WNT11: variants seen among roughly 807,000 people sequenced by gnomAD.
WNT11 encodes the protein protein Wnt-11.
Under a neutral mutation model 35.6 loss-of-function variants are expected in WNT11, and 20 were observed. The ratio of observed to expected loss-of-function variants is 0.56; its 90% CI spans 0.40 to 0.82. WNT11 has a LOEUF of 0.82. Among genes scored for constraint, WNT11 ranks in the 40% least tolerant of loss-of-function variants. The pLI is 0.00. For missense variants in WNT11, 459 were observed against 504.4 expected, an observed-to-expected ratio of 0.91 and a Z score of 0.86; for synonymous variants, 200 against 211.9, an observed-to-expected ratio of 0.94 and a Z score of 0.49.
chr11:76,202,109 C>A (rs1267977711), intron 1 of WNT11, among the ~76,000 whole-genome samples: 1 of 152,194 alleles, frequency 6.6e-6, no homozygotes, highest in Admixed American at 6.5e-5. Context: ...TATTGCCAGA[C>A]CATTTCCAGG....
At chr11:76,195,783 C>T (rs1218171572) in intron 2 of WNT11, among the ~76,000 whole-genome samples, 1 of 152,238 alleles carries the variant, frequency 6.6e-6, no homozygotes, top group Admixed American at 6.5e-5. Context: ...CGGGTGATAA[C>T]AGCTACCTCA....
chr11:76,188,392 A>G (rs1384216334), intron 4 of WNT11, among the ~76,000 whole-genome samples: 1 of 152,268 alleles, frequency 6.6e-6, no homozygotes, highest in East Asian at 1.9e-4. Context: ...TTCTTCCCAA[A>G]TGTGGGATGC....
chr11:76,200,373 AC>A (rs1294102811), intron 1 of WNT11, among the ~76,000 whole-genome samples: 2 of 152,144 alleles, frequency 1.3e-5, no homozygotes, highest in African/African-American at 4.8e-5. Flanking sequence ...ACCCTGCCTT[AC>A]TTCCTGGGTG....
chr11:76,210,569 G>C (rs1445851714), upstream of WNT11: 3 of 985,120 alleles, frequency 3.0e-6, no homozygotes, highest in Non-Finnish European at 3.6e-6. Context: ...TGCGCACTCC[G>C]GCTGGGCGAG....
intron 3 of WNT11, 90 bp from the exon 4 acceptor site, chr11:76,191,946 G>A (rs1953192067): frequency 6.9e-7 from 1 of 1,446,102 alleles, no homozygotes; most frequent in African/African-American, 1.4e-5. Context: ...ATGGCTGGGT[G>A]CTCTCAGGGA....
Position 76,186,726 on chromosome 11 carries a change from C to T in WNT11, c.*339G>A, listed in dbSNP as rs371826668. The T allele has an allele frequency of 1.9e-5, 8 of 411,800 alleles. No individual in the cohort carries two copies. The highest frequency in any genetic ancestry group is 9.0e-5 in the Admixed American group (3 of 33,150). The allele number at this position is 411,800 out of a possible 1,614,324, so 25.5% of individuals were successfully genotyped here. On this transcript the variant is annotated 3_prime_UTR_variant, in exon 5 of 5. Transcript: ENST00000322563. ...TGAAGAAGGCGGGCAGACCCCTTCC[C>T]GGAGGCTGGTCTCTGTGGCCCTGAA...
upstream of WNT11, chr11:76,206,554 C>A: frequency 8.2e-7 from 1 of 1,214,270 alleles, no homozygotes; most frequent in Non-Finnish European, 1.0e-6. Context: ...GCGGGGGAGG[C>A]GTTTTATTCA....
chr11:76,201,772 A>AC (rs1478522179), intron 1 of WNT11, among the ~76,000 whole-genome samples: 2 of 152,094 alleles, frequency 1.3e-5, no homozygotes, highest in Non-Finnish European at 2.9e-5. Context: ...CCCCATCCAT[A>AC]CTGCTCAATG....
intron 1 of WNT11, among the ~76,000 whole-genome samples, chr11:76,202,915 C>T (rs1381520473): frequency 1.3e-5 from 2 of 152,220 alleles, no homozygotes; most frequent in Non-Finnish European, 2.9e-5. Context: ...CACTGGGTCC[C>T]CTTCACACCT....
chr11:76,198,773 C>T lies in WNT11; in HGVS notation c.84-2055G>A, dbSNP rs138961653. On this transcript the variant is annotated intron_variant, in intron 1 of 4. Coordinates refer to ENST00000322563, the MANE Select transcript of WNT11 (RefSeq NM_004626.3). ...CCCCAGGAAGAGCACAAGCCTTGGACACCAGCTGTGTGACCTAGGTAAGTT... is the reference window on the plus strand; with the variant it reads ...CCCCAGGAAGAGCACAAGCCTTGGATACCAGCTGTGTGACCTAGGTAAGTT... 2.2e-3 allele frequency among the ~76,000 whole-genome samples: 330 copies of T among 152,314 alleles called. 1 individual carries two copies. The highest frequency in any genetic ancestry group is 7.7e-3 in the African/African-American group (318 of 41,554).
At chr11:76,198,855 G>A (rs1211235468) in intron 1 of WNT11, among the ~76,000 whole-genome samples, 1 of 152,214 alleles carries the variant, frequency 6.6e-6, no homozygotes, top group Non-Finnish European at 1.5e-5. Flanking sequence ...GATAAGGCCA[G>A]GCGCGGTGGC....
rs778909369 is a variant in WNT11, at chr11:76,186,887, T to G, written c.*178A>C. 4 of 896,400 alleles carry G rather than the reference T, an allele frequency of 4.5e-6. No individual in the cohort carries two copies. Among genetic ancestry groups the G allele is most frequent in the Non-Finnish European group, 7.1e-6 (4 of 563,954 alleles). 55.5% of individuals were successfully genotyped at this position (896,400 alleles called of 1,614,324 possible). A position where few individuals can be genotyped will look rare whatever the true frequency, so the allele number is the denominator to read the frequency against. On this transcript the variant is annotated 3_prime_UTR_variant, in exon 5 of 5. Coordinates refer to ENST00000322563, the MANE Select transcript of WNT11 (RefSeq NM_004626.3). ...TTGATGTCCTGCCCTCCTTCCAGGG[T>G]GGCCAGACCTTCTGTTCCTGGTGGC...
chr11:76,201,306 C>T (rs1335403444), intron 1 of WNT11, among the ~76,000 whole-genome samples: 3 of 152,228 alleles, frequency 2.0e-5, no homozygotes, highest in South Asian at 2.1e-4. Flanking sequence ...GGAGGCCACC[C>T]GCCCACAGGG....
chr11:76,200,800 T>C (rs182265037), intron 1 of WNT11, among the ~76,000 whole-genome samples: 40 of 152,348 alleles, frequency 2.6e-4, no homozygotes, highest in South Asian at 1.0e-3. Flanking sequence ...GCTTCCTCCA[T>C]TTTCAAATGA....
At chr11:76,204,350 C>T (rs567431588) in intron 1 of WNT11, among the ~76,000 whole-genome samples, 5 of 152,220 alleles carry the variant, frequency 3.3e-5, no homozygotes, top group Non-Finnish European at 5.9e-5. Flanking sequence ...CTCGGAGCAG[C>T]GTCTGGGGCA....
chr11:76,199,139 ATAAAATAAAATAAAT>A (rs1452070793), intron 1 of WNT11, among the ~76,000 whole-genome samples: 1 of 152,128 alleles, frequency 6.6e-6, no homozygotes, highest in East Asian at 1.9e-4. Context: ...TCTCAAAAAA[ATAAAATAAAATAAAT>A]TAAAATAAAA....
At chr11:76,198,051 C>G (rs1953316364) in intron 1 of WNT11, among the ~76,000 whole-genome samples, 1 of 152,208 alleles carries the variant, frequency 6.6e-6, no homozygotes, top group African/African-American at 2.4e-5. Context: ...GGTCCTCACC[C>G]AGGGTCAGGG....
At chr11:76,188,231 G>GC (rs1491197985) in intron 4 of WNT11, among the ~76,000 whole-genome samples, 17 of 152,336 alleles carry the variant, frequency 1.1e-4, no homozygotes, top group African/African-American at 3.8e-4. Flanking sequence ...GGCCTGTAGG[G>GC]CCCTTGGGTC....
chr11:76,191,226 C>T (rs911141349), intron 4 of WNT11, among the ~76,000 whole-genome samples: 2 of 152,306 alleles, frequency 1.3e-5, no homozygotes, highest in African/African-American at 2.4e-5. Flanking sequence ...ACCTATCTTA[C>T]GTTGGGCAGC....
Sources: gnomAD v4.1 joint callset for allele counts (sites outside exome capture counted in the v4.1 genomes callset) on GRCh38, gnomAD v4.1.1 for gene constraint, MANE v1.5 for transcripts, NCBI Gene and HGNC (gene_info 2026-07-23, HGNC 2026-07-21) for gene names.